ERC1: variants seen among roughly 807,000 people sequenced by gnomAD.
ERC1 encodes the protein ELKS/RAB6-interacting/CAST family member 1.
In ERC1, 56 loss-of-function variants were observed where a neutral mutation model predicts 132.0. The observed-to-expected ratio is 0.42, with a 90% CI of 0.34 to 0.53. ERC1 has a LOEUF of 0.53. Ranked by LOEUF, ERC1 falls within the 20% of genes least tolerant of loss-of-function variation. The pLI is 0.03. For synonymous variants in ERC1, 478 were observed against 476.1 expected (o/e 1.00, Z -0.05); for missense variants, 1,202 against 1,349.9 (o/e 0.89, Z 1.72).
intron 13 of ERC1, among the ~76,000 whole-genome samples, chr12:1,249,048 A>G (rs77519448): frequency 6.6e-6 from 1 of 151,804 alleles, no homozygotes. Context: ...ACACCTGGCT[A>G]ATTTTTTTTT....
At chr12:1,042,832 A>C (rs1253245340) in intron 2 of ERC1, among the ~76,000 whole-genome samples, 1 of 152,110 alleles carries the variant, frequency 6.6e-6, no homozygotes, top group Non-Finnish European at 1.5e-5. Context: ...TAGCCTGCAT[A>C]ATAAGTAATT....
intron 2 of ERC1, among the ~76,000 whole-genome samples, chr12:1,050,776 C>T (rs1157907955): frequency 5.9e-5 from 9 of 152,064 alleles, no homozygotes; most frequent in Non-Finnish European, 4.4e-5. Context: ...GAGGCCGAGG[C>T]GGGTTGATCA....
In ERC1 at chr12:1,246,672, A is replaced by G. The variant is rs1038982805; in HGVS notation, c.2487+9768A>G. Among the ~76,000 whole-genome samples the G allele has an allele frequency of 2.0e-5, 3 of 152,234 alleles. No individual in the cohort carries two copies. The East Asian group carries it at 5.8e-4, about 29-fold the overall frequency. On this transcript the variant is annotated intron_variant, in intron 13 of 18. Coordinates refer to ENST00000360905, the MANE Select transcript of ERC1 (RefSeq NM_178040.4). ...CACCTTAACAAAGTGTTTAGAGTTA[A>G]CATTACCAGTAATAAAGAGACATTG...
At chr12:1,259,062 A>G (rs949673441) in intron 13 of ERC1, among the ~76,000 whole-genome samples, 7 of 151,704 alleles carry the variant, frequency 4.6e-5, no homozygotes, top group African/African-American at 1.7e-4. Context: ...ATACTCTTTT[A>G]ACATATTTTT....
intron 2 of ERC1, among the ~76,000 whole-genome samples, chr12:1,044,176 G>A (rs1160554535): frequency 6.6e-6 from 1 of 152,216 alleles, no homozygotes; most frequent in African/African-American, 2.4e-5. Context: ...TGCCAGGTGT[G>A]TAGCCATGGC....
chr12:1,305,215 C>G (rs1356069633), intron 15 of ERC1, among the ~76,000 whole-genome samples: 1 of 152,218 alleles, frequency 6.6e-6, no homozygotes, highest in African/African-American at 2.4e-5. Flanking sequence ...AGTACACTCA[C>G]TCTTTCTGGA....
chr12:1,380,537 C>G (rs1399103141), intron 16 of ERC1: 1 of 152,252 alleles, frequency 6.6e-6, no homozygotes, highest in Non-Finnish European at 1.5e-5. Flanking sequence ...TCTGTCTTAG[C>G]TAAGGCAAAG....
At chr12:1,332,427 T>A (rs2082939255) in intron 15 of ERC1, among the ~76,000 whole-genome samples, 1 of 152,234 alleles carries the variant, frequency 6.6e-6, no homozygotes, top group African/African-American at 2.4e-5. Context: ...TTTCAGAGGT[T>A]TTTCACGTAT....
intron 4 of ERC1, among the ~76,000 whole-genome samples, chr12:1,105,350 TTTA>T (rs1945129379): frequency 6.6e-6 from 1 of 152,074 alleles, no homozygotes; most frequent in Non-Finnish European, 1.5e-5. Context: ...GAGATTTTTT[TTTA>T]TTATTTTTTA....
At chr12:1,040,885 A>G (rs1970096188) in intron 2 of ERC1, among the ~76,000 whole-genome samples, 1 of 152,272 alleles carries the variant, frequency 6.6e-6, no homozygotes, top group East Asian at 1.9e-4. Context: ...ATGTACTTTC[A>G]GAGAATGTGG....
At chr12:1,233,846 G>A (rs571110507) in intron 12 of ERC1, among the ~76,000 whole-genome samples, 14 of 152,174 alleles carry the variant, frequency 9.2e-5, no homozygotes, top group Admixed American at 5.2e-4. Flanking sequence ...ATGTATGGGC[G>A]TTTTTTGTAT....
Position 1,262,305 on chromosome 12 carries a change from C to T in ERC1, c.2488-729C>T, listed in dbSNP as rs560685179. 1.7e-4 allele frequency among the ~76,000 whole-genome samples: 26 copies of T among 152,312 alleles called. No homozygotes were observed. The South Asian group carries it at 4.3e-3, about 25-fold the overall frequency. ...TCTCTCCTATCTTACATGAACTCAG[C>T]GTTCTGTAGGGTTTTGTTTGACTTT... On this transcript the variant is annotated intron_variant, in intron 13 of 18. Transcript: ENST00000360905.
chr12:1,001,917 G>A (rs1962407716), intron 1 of ERC1, among the ~76,000 whole-genome samples: 1 of 142,216 alleles, frequency 7.0e-6, no homozygotes. Context: ...CTGGAGTGCA[G>A]TGGCGCAATC....
Position 1,112,282 on chromosome 12 carries a change from C to A in ERC1, c.1385C>A (p.Ala462Asp). ...AQWEELKKKA[A>D]GLQAEIGQVK... ...TGGGAGGAGCTGAAAAAGAAAGCGGCTGGTCTTCAGGCTGAGGTCTTTGCC... is the reference window on the plus strand; with the variant it reads ...TGGGAGGAGCTGAAAAAGAAAGCGGATGGTCTTCAGGCTGAGGTCTTTGCC... Residue 462 changes from alanine (A) to aspartate (D), a missense_variant, in exon 6 of 19, where the codon GCT becomes GAT. Ala to Asp is a moderately radical substitution (Grantham distance 126). Coordinates refer to ENST00000360905, the MANE Select transcript of ERC1 (RefSeq NM_178040.4). 6.2e-7 allele frequency: 1 copy of A among 1,612,922 alleles called. No homozygotes were observed. The highest frequency in any genetic ancestry group is 1.1e-5 in the South Asian group (1 of 91,060).
rs528134398 is a variant in ERC1 at position 1,025,382 on chromosome 12, C to G, written c.-156-2366C>G. 4.6e-5 allele frequency among the ~76,000 whole-genome samples: 7 copies of G among 152,210 alleles called. No individual in the cohort carries two copies. The South Asian group carries it at 1.5e-3, about 32-fold the overall frequency. On this transcript the variant is annotated intron_variant, in intron 1 of 18. Coordinates refer to ENST00000360905, the MANE Select transcript of ERC1 (RefSeq NM_178040.4). ...CATACTCTGTTTACAGATCATTATA[C>G]TTATGTTCACTGTATTTTTCACCTA...
rs143377828 is a variant in ERC1 at position 1,140,835 on chromosome 12, AT to A, written c.1570-784del. 8.8e-3 allele frequency among the ~76,000 whole-genome samples: 1,338 copies of A among 152,312 alleles called. 15 individuals carry two copies. The highest frequency in any genetic ancestry group is 0.03 in the African/African-American group (1,250 of 41,570). On this transcript the variant is annotated intron_variant, in intron 7 of 18. Coordinates refer to ENST00000360905, the MANE Select transcript of ERC1 (RefSeq NM_178040.4). ...TATCAAAGAGTTAGTATGAAAAAAT[AT>A]AAAATAGCTCATTAATAGTTTTTTA...
In ERC1 at chr12:1,491,802, A is replaced by G. The variant is rs1193156705; in HGVS notation, c.*1572A>G. ...ACTGCAAATCAATGAAGGTATTGGC[A>G]TTGTTAAGGACGTAGCGTAGACAAC... On this transcript the variant is annotated 3_prime_UTR_variant, in exon 19 of 19. Transcript: ENST00000360905. The G allele has an allele frequency of 4.3e-6, 1 of 232,222 alleles. No homozygotes were observed. The highest frequency in any genetic ancestry group is 5.6e-5 in the Admixed American group (1 of 17,738). 14.4% of individuals were successfully genotyped at this position (232,222 alleles called of 1,614,324 possible). A position where few individuals can be genotyped will look rare whatever the true frequency, so the allele number is the denominator to read the frequency against.
intron 6 of ERC1, 161 bp from the exon 7 acceptor site, chr12:1,115,705 G>C: frequency 1.8e-6 from 1 of 552,430 alleles, no homozygotes; most frequent in Non-Finnish European, 3.0e-6. Context: ...CTCAGGGTTG[G>C]GGAGATCCAA....
intron 17 of ERC1, among the ~76,000 whole-genome samples, chr12:1,433,167 G>A (rs1044095410): frequency 2.0e-5 from 3 of 152,192 alleles, no homozygotes; most frequent in African/African-American, 2.4e-5. Flanking sequence ...GCAGAGGATC[G>A]CCTAAATTAA....
Sources: gnomAD v4.1 joint callset for allele counts (sites outside exome capture counted in the v4.1 genomes callset) on GRCh38, gnomAD v4.1.1 for gene constraint, MANE v1.5 for transcripts, NCBI Gene and HGNC (gene_info 2026-07-23, HGNC 2026-07-21) for gene names.